SYNE1: variants seen among roughly 807,000 people sequenced by gnomAD.
The protein encoded by SYNE1 is spectrin repeat containing nuclear envelope protein 1, also known as nesprin-1.
SYNE1 carries 616 observed loss-of-function variants against 1,111.0 expected under a neutral mutation model. The ratio of observed to expected loss-of-function variants is 0.55; its 90% confidence interval spans 0.52 to 0.59. SYNE1 has a LOEUF of 0.59. Ranked by LOEUF, SYNE1 falls within the 20% of genes least tolerant of loss-of-function variation. The pLI is 0.00. For missense variants in SYNE1, 10,006 were observed against 10,417.0 expected (o/e 0.96, Z 1.72); for synonymous variants, 3,855 against 3,825.8 (o/e 1.01, Z -0.28).
rs763781396 is a variant in SYNE1 at position 152,419,577 on chromosome 6, G to A, written c.5413C>T (p.Arg1805Trp). Reference sequence around the variant, plus strand: ...AAAAAAAACCACTTTACCTTATGCCGAGTAAGGGCTACTTGATGGTCCATT... The same window carrying A: ...AAAAAAAACCACTTTACCTTATGCCAAGTAAGGGCTACTTGATGGTCCATT... ...SIMDHQVALT[R>W]HKDHAAEVES... is the part of the protein sequence containing the mutation. Residue 1805 changes from arginine to tryptophan, a missense_variant, in exon 40 of 146, where the codon CGG becomes TGG. By Grantham distance (101) the Arg-to-Trp change is moderately radical. Transcript: ENST00000367255. 47 of 1,611,460 alleles carry A rather than the reference G, an allele frequency of 2.9e-5. No individual in the cohort carries two copies. Among genetic ancestry groups the A allele is most frequent in the African/African-American group, 8.1e-5 (6 of 74,168 alleles).
At chr6:152,358,274 C>A in intron 66 of SYNE1, 99 bp downstream of exon 66, 1 of 1,508,842 alleles carries the variant, frequency 6.6e-7, no homozygotes, top group Non-Finnish European at 9.2e-7. Flanking sequence ...TATCAACTAG[C>A]CACTGGACTC....
At chr6:152,302,649 G>C in intron 91 of SYNE1, among the ~76,000 whole-genome samples, 1 of 152,122 alleles carries the variant, frequency 6.6e-6, no homozygotes, top group Middle Eastern at 3.2e-3. Flanking sequence ...TTTTAATGCA[G>C]ATTGACCCCC....
Position 152,413,523 on chromosome 6 carries a change from A to T in SYNE1, c.6059T>A (p.Val2020Glu), listed in dbSNP as rs749686041. The stretch of plus-strand genomic sequence containing the variant: ...CAATTCATCTTCTAGCTGATTAAAC[A>T]CTCTTAACCTGTGAATTAAAATGTT... The part of the protein sequence containing the change: ...TRQALQQRLR[V>E]FNQLEDELNS... The change falls in exon 42 of 146, where the codon GTG (valine) becomes GAG (glutamate). Residue 2020 changes from valine to glutamate, a missense_variant. Physicochemically the swap from Val to Glu is moderately radical, Grantham distance 121 (BLOSUM62 -2). Around this residue, in one of 7 missense-constraint regions of SYNE1, gnomAD observed 4,955 missense variants for 5,017.2 expected, o/e 0.99. Transcript: ENST00000367255. The T allele has an allele frequency of 6.2e-7, 1 of 1,613,926 alleles. No homozygotes were observed. The highest frequency in any genetic ancestry group is 8.5e-7 in the Non-Finnish European group (1 of 1,179,864).
At chr6:152,323,375 C>T in intron 82 of SYNE1, 103 bp downstream of exon 82, 1 of 1,533,700 alleles carries the variant, frequency 6.5e-7, no homozygotes, top group Non-Finnish European at 8.8e-7. Flanking sequence ...GGAGGCGGAG[C>T]TTGCAGTGAG....
At chr6:152,422,739 C>G (rs887478827) in intron 39 of SYNE1, among the ~76,000 whole-genome samples, 1 of 152,174 alleles carries the variant, frequency 6.6e-6, no homozygotes, top group Non-Finnish European at 1.5e-5. Context: ...GAACTCCCAG[C>G]CTTGAGCAAT....
intron 11 of SYNE1, 95 bp downstream of exon 11, chr6:152,498,647 A>G (rs2099012211): frequency 2.5e-6 from 2 of 789,512 alleles, no homozygotes; most frequent in African/African-American, 3.5e-5. Context: ...AGAAATGTAT[A>G]CATAAAGACA....
chr6:152,253,812 GGTTTGGTTTTTTTTTTTTTTTTTTTTTTT>G (rs1443105929), intron 104 of SYNE1, among the ~76,000 whole-genome samples: 1 of 11,662 alleles, frequency 8.6e-5, no homozygotes, highest in African/African-American at 3.9e-4. Context: ...TATGTGTAGT[GGTTTGGTTTTTTTTTTTTTTTTTTTTTTT>G]TTTTTTTTTT....
chr6:152,306,372 G>T (rs2095373449), intron 91 of SYNE1, among the ~76,000 whole-genome samples: 2 of 151,956 alleles, frequency 1.3e-5, no homozygotes, highest in African/African-American at 2.4e-5. Context: ...TGTAATCCCA[G>T]CTACTCGGGA....
chr6:152,577,036 CA>C (rs1344540896), intron 3 of SYNE1, among the ~76,000 whole-genome samples: 1 of 152,126 alleles, frequency 6.6e-6, no homozygotes, highest in Non-Finnish European at 1.5e-5. Context: ...GTTAAGAAGG[CA>C]TTTTTTTGTC....
chr6:152,380,258 A>G (rs1167979749), intron 56 of SYNE1, among the ~76,000 whole-genome samples: 1 of 152,212 alleles, frequency 6.6e-6, no homozygotes, highest in Non-Finnish European at 1.5e-5. Flanking sequence ...AGGAGCAGAG[A>G]AGTTTACTAA....
intron 104 of SYNE1, among the ~76,000 whole-genome samples, chr6:152,251,016 C>A (rs929977072): frequency 3.3e-5 from 5 of 152,138 alleles, no homozygotes; most frequent in African/African-American, 1.2e-4. Context: ...GTGGCGCGAT[C>A]TCGGCTCACT....
At position 152,189,382 on chromosome 6, in the gene SYNE1, C is replaced by T. The variant is rs1168768025; in HGVS notation, c.23171G>A (p.Trp7724Ter). ...GCTCAACTGGGTCAAGTCATCTGTC[C>T]AGCTCCCAACTGCATTTTCTAATTC... ...CKELENAVGS[W>*]TDDLTQLSLL... Residue 7724 changes from tryptophan (W) to a stop codon, truncating the protein, a stop_gained, in exon 128 of 146, where the codon TGG becomes TAG. Transcript: ENST00000367255. LOFTEE classifies it high-confidence loss of function. 1.2e-6 allele frequency: 2 copies of T among 1,614,040 alleles called. No homozygotes were observed. Among genetic ancestry groups the T allele is most frequent in the Non-Finnish European group, 8.5e-7 (1 of 1,179,994 alleles).
chr6:152,628,304 A>G lies in SYNE1; in HGVS notation c.28T>C (p.Cys10Arg). ...ATCACATTGGCGATATCCCGAGGAC[A>G]CCGGGAGGCCCCTCTGGAGGTTGCC... MATSRGASR[C>R]PRDIANVMQR... The change falls in exon 3 of 146, where the codon TGT becomes CGT. Residue 10 changes from cysteine (C) to arginine (R), a missense_variant. By Grantham distance (180) the Cys-to-Arg change is radical (BLOSUM62 -3). Coordinates refer to ENST00000367255, the MANE Select transcript of SYNE1 (RefSeq NM_182961.4). 1.2e-6 allele frequency: 2 copies of G among 1,614,180 alleles called. No homozygotes were observed. Among genetic ancestry groups the G allele is most frequent in the South Asian group, 1.1e-5 (1 of 91,084 alleles).
intron 87 of SYNE1, chr6:152,316,299 T>C: frequency 6.1e-6 from 1 of 163,598 alleles, no homozygotes; most frequent in Non-Finnish European, 1.3e-5. Flanking sequence ...ACTGAGCACC[T>C]GCATGTGCCA....
chr6:152,358,386 A>G lies in SYNE1; in HGVS notation c.10595T>C (p.Leu3532Ser). ...AGGAGGCCTTACCTGAAGATCACGC[A>G]ATGTTGTCTCATGAGTGTGGGCATC... The part of the protein sequence containing the change: ...EGDAHTHETT[L>S]RDLQELQVHC... The change falls in exon 66 of 146, where the codon TTG (leucine) becomes TCG (serine). Residue 3532 changes from leucine (L) to serine (S), a missense_variant. Physicochemically the swap from Leu to Ser is moderately radical, Grantham distance 145. Transcript: ENST00000367255. 2 of 1,614,162 alleles carry G rather than the reference A, an allele frequency of 1.2e-6. No homozygotes were observed. The highest frequency in any genetic ancestry group is 1.7e-6 in the Non-Finnish European group (2 of 1,180,026).
At chr6:152,362,675 A>G (rs1307488288) in intron 63 of SYNE1, among the ~76,000 whole-genome samples, 1 of 152,172 alleles carries the variant, frequency 6.6e-6, no homozygotes, top group Admixed American at 6.5e-5. Context: ...CTGGGCAGGG[A>G]GAGAAGCAAC....
intron 75 of SYNE1, among the ~76,000 whole-genome samples, chr6:152,338,786 T>C (rs1325183735): frequency 6.6e-6 from 1 of 152,180 alleles, no homozygotes; most frequent in Non-Finnish European, 1.5e-5. Context: ...AAAATCCTTC[T>C]GAACACCACA....
intron 100 of SYNE1, among the ~76,000 whole-genome samples, chr6:152,262,642 A>G (rs977429471): frequency 1.3e-5 from 2 of 152,198 alleles, no homozygotes; most frequent in Non-Finnish European, 2.9e-5. Context: ...AAGGTAGTAC[A>G]GGACAGAGGA....
chr6:152,206,599 T>C (rs562567963), intron 125 of SYNE1, among the ~76,000 whole-genome samples: 1 of 152,252 alleles, frequency 6.6e-6, no homozygotes, highest in South Asian at 2.1e-4. Flanking sequence ...TCTTTAAGAT[T>C]GATGCGTGGA....
Sources: gnomAD v4.1 joint callset for allele counts (sites outside exome capture counted in the v4.1 genomes callset) on GRCh38, gnomAD v4.1.1 for gene constraint, gnomAD v4.1.1 regional missense constraint, MANE v1.5 for transcripts, NCBI Gene and HGNC (gene_info 2026-07-23, HGNC 2026-07-21) for gene names.